The following DDX60L variants were observed in gnomAD, a reference collection of about 807,000 sequenced individuals.
DDX60L encodes DExD/H-box 60 like.
DDX60L carries 191 observed loss-of-function variants against 211.6 expected under a neutral mutation model. The ratio of observed to expected loss-of-function variants is 0.90; its 90% CI spans 0.80 to 1.02. DDX60L has a LOEUF of 1.02. DDX60L is among the 50% of genes least tolerant of loss of function. DDX60L has a pLI of 0.00. For missense variants in DDX60L, 2,007 were observed against 1,984.1 expected, an observed-to-expected ratio of 1.01 and a Z score of -0.22; for synonymous variants, 706 against 694.1, an observed-to-expected ratio of 1.02 and a Z score of -0.27.
At position 168,371,662 on chromosome 4, in the gene DDX60L, C is replaced by T. The variant is rs1741044762; in HGVS notation, c.4878G>A (p.Val1626=). Residue 1626 remains valine, a synonymous_variant, in exon 36 of 38, where the codon GTG becomes GTA. Transcript: ENST00000682922. ...AGCAGTTGTGTTTATAGAAATTGAGCACATATGCATTTAGTGGCATTCTCC... is the reference window on the plus strand; with the variant it reads ...AGCAGTTGTGTTTATAGAAATTGAGTACATATGCATTTAGTGGCATTCTCC... ...RGRRMPLNAY[V]LNFYKHNCLT... The T allele has an allele frequency of 6.3e-7, 1 of 1,593,702 alleles. No individual in the cohort carries two copies. Among genetic ancestry groups the T allele is most frequent in the Non-Finnish European group, 8.5e-7 (1 of 1,169,672 alleles).
At chr4:168,381,586 TAAA>T (rs5863928) in intron 30 of DDX60L, among the ~76,000 whole-genome samples, 5 of 149,720 alleles carry the variant, frequency 3.3e-5, no homozygotes, top group Admixed American at 1.3e-4. Flanking sequence ...CAATTTTTTT[TAAA>T]AAAAAAAACT....
intron 37 of DDX60L, among the ~76,000 whole-genome samples, chr4:168,359,751 A>G (rs1738783014): frequency 6.6e-6 from 1 of 152,198 alleles, no homozygotes; most frequent in Non-Finnish European, 1.5e-5. Context: ...CCTAACAAAT[A>G]AGACCCTTCG....
At chr4:168,383,285 G>A (rs1403961083) in intron 30 of DDX60L, among the ~76,000 whole-genome samples, 1 of 152,140 alleles carries the variant, frequency 6.6e-6, no homozygotes, top group Admixed American at 6.5e-5. Context: ...AAACTGAAGA[G>A]CTATTGCTAC....
chr4:168,386,995 C>T (rs920451172), intron 29 of DDX60L, among the ~76,000 whole-genome samples: 7 of 152,256 alleles, frequency 4.6e-5, no homozygotes, highest in Admixed American at 2.6e-4. Flanking sequence ...ATCAAATATT[C>T]CCTTGCCAGA....
intron 4 of DDX60L, chr4:168,469,964 TA>T (rs1465027362): frequency 2.0e-5 from 3 of 152,126 alleles, no homozygotes; most frequent in Non-Finnish European, 4.4e-5. Flanking sequence ...TATCAAGAAC[TA>T]CTACAACTCA....
At chr4:168,383,415 C>T (rs1411157862) in intron 30 of DDX60L, among the ~76,000 whole-genome samples, 1 of 152,192 alleles carries the variant, frequency 6.6e-6, no homozygotes, top group African/African-American at 2.4e-5. Context: ...TCTGCTCAGC[C>T]TTTGCTACAA....
intron 7 of DDX60L, 67 bp from the exon 8 acceptor site, chr4:168,453,349 C>A: frequency 6.7e-7 from 1 of 1,482,498 alleles, no homozygotes; most frequent in Non-Finnish European, 9.1e-7. Flanking sequence ...GAAATAGGCA[C>A]TCCACGAAGA....
At chr4:168,373,521 A>C (rs1388899057) in intron 35 of DDX60L, 145 bp downstream of exon 35, 2 of 813,078 alleles carry the variant, frequency 2.5e-6, no homozygotes, top group Non-Finnish European at 3.9e-6. Context: ...ACTGGCCTCC[A>C]GGGCTTCATT....
chr4:168,447,028 A>C (rs1436415929), intron 9 of DDX60L, among the ~76,000 whole-genome samples: 38 of 129,054 alleles, frequency 2.9e-4, no homozygotes, highest in African/African-American at 5.4e-4. Context: ...AAAATTGGCA[A>C]ATGGGATCTA....
At chr4:168,380,573 T>A (rs1742759985) in intron 30 of DDX60L, 1 of 152,202 alleles carries the variant, frequency 6.6e-6, no homozygotes, top group Non-Finnish European at 1.5e-5. Flanking sequence ...TGCAGAACCA[T>A]AAGCCAATAA....
intron 10 of DDX60L, among the ~76,000 whole-genome samples, chr4:168,435,098 C>A (rs1381432669): frequency 1.3e-5 from 2 of 152,284 alleles, no homozygotes; most frequent in South Asian, 2.1e-4. Flanking sequence ...GCTCCCAACC[C>A]CCAACCCCCA....
chr4:168,357,364 T>C lies in DDX60L; in HGVS notation c.*783A>G, dbSNP rs1738347499. ...CTTCAACAGAAAACCACAGACTAGA[T>C]GGCTAAACAACAAACATGTATTTCT... On this transcript the variant is annotated 3_prime_UTR_variant, in exon 38 of 38. Coordinates refer to ENST00000682922, the MANE Select transcript of DDX60L (RefSeq NM_001012967.3). The C allele has an allele frequency of 6.6e-6, 1 of 152,220 alleles. No homozygotes were observed. The highest frequency in any genetic ancestry group is 2.4e-5 in the African/African-American group (1 of 41,454). 9.4% of individuals were successfully genotyped at this position (152,220 alleles called of 1,614,324 possible).
intron 6 of DDX60L, among the ~76,000 whole-genome samples, chr4:168,457,443 A>AG (rs1174712309): frequency 1.5e-5 from 2 of 131,316 alleles, no homozygotes; most frequent in Admixed American, 7.2e-5. Context: ...CTTGAGCATC[A>AG]GAAAAAAAAA....
intron 36 of DDX60L, among the ~76,000 whole-genome samples, chr4:168,362,766 A>G (rs938511931): frequency 4.6e-5 from 7 of 152,244 alleles, no homozygotes; most frequent in African/African-American, 7.2e-5. Flanking sequence ...TTTTGAAATA[A>G]CCAGTCAAAG....
intron 30 of DDX60L, among the ~76,000 whole-genome samples, chr4:168,384,245 T>TC (rs1743459085): frequency 6.6e-6 from 1 of 152,106 alleles, no homozygotes; most frequent in Non-Finnish European, 1.5e-5. Flanking sequence ...TACAGAACCC[T>TC]AATACAGTGG....
chr4:168,463,020 GA>G (rs1757526074), intron 4 of DDX60L, among the ~76,000 whole-genome samples: 1 of 152,142 alleles, frequency 6.6e-6, no homozygotes, highest in Non-Finnish European at 1.5e-5. Context: ...AAGTCGCAGA[GA>G]AAAAGGAATG....
intron 14 of DDX60L, among the ~76,000 whole-genome samples, chr4:168,426,756 G>T (rs1751516555): frequency 6.6e-6 from 1 of 152,142 alleles, no homozygotes; most frequent in African/African-American, 2.4e-5. Flanking sequence ...CCCTGTTGCT[G>T]CTGCTGAGCC....
At chr4:168,447,392 G>C (rs1754981288) in intron 9 of DDX60L, among the ~76,000 whole-genome samples, 1 of 147,754 alleles carries the variant, frequency 6.8e-6, no homozygotes, top group East Asian at 2.1e-4. Flanking sequence ...ACAGGTGCTG[G>C]AGAGGATGTG....
intron 26 of DDX60L, among the ~76,000 whole-genome samples, chr4:168,396,471 C>T (rs1045051662): frequency 1.3e-5 from 2 of 152,088 alleles, no homozygotes; most frequent in Non-Finnish European, 2.9e-5. Context: ...GGGTGTGTGG[C>T]ACAGTCTAGA....
Sources: allele counts gnomAD v4.1 joint callset (sites outside exome capture counted in the v4.1 genomes callset), GRCh38; gene constraint gnomAD v4.1.1; transcripts MANE v1.5; gene names NCBI Gene and HGNC (gene_info 2026-07-23, HGNC 2026-07-21).